RFX3: variants seen among roughly 807,000 people sequenced by gnomAD.
The protein encoded by RFX3 is transcription factor RFX3.
RFX3 carries 14 observed loss-of-function variants against 98.6 expected under a neutral mutation model. The ratio of observed to expected loss-of-function variants is 0.14; its 90% confidence interval spans 0.09 to 0.22. The LOEUF is 0.22. Among genes scored for constraint, RFX3 ranks in the 10% least tolerant of loss-of-function variants. RFX3 has a pLI of 1.00. For synonymous variants in RFX3, 383 were observed against 328.4 expected, an observed-to-expected ratio of 1.17 and a Z score of -1.80; for missense variants, 639 against 926.9, an observed-to-expected ratio of 0.69 and a Z score of 4.03.
At chr9:3,471,190 T>C (rs960311634) in intron 1 of RFX3, among the ~76,000 whole-genome samples, 1 of 152,084 alleles carries the variant, frequency 6.6e-6, no homozygotes, top group Admixed American at 6.5e-5. Context: ...CATTTACCCT[T>C]ATATATATTA....
intron 1 of RFX3, among the ~76,000 whole-genome samples, chr9:3,459,234 T>C (rs990742581): frequency 3.3e-5 from 5 of 152,154 alleles, no homozygotes; most frequent in Non-Finnish European, 5.9e-5. Flanking sequence ...GCCAACACTT[T>C]TAAATTTCAT....
At chr9:3,293,282 C>T (rs767628075) in intron 5 of RFX3, 24 bp from the exon 6 acceptor site, 1 of 1,551,714 alleles carries the variant, frequency 6.4e-7, no homozygotes, top group East Asian at 2.3e-5. Context: ...ACACAATAAA[C>T]ACAGACAAAT....
chr9:3,239,973 G>A (rs544525973), intron 15 of RFX3, among the ~76,000 whole-genome samples: 2 of 152,334 alleles, frequency 1.3e-5, no homozygotes, highest in South Asian at 4.1e-4. Flanking sequence ...GCCAAAAAGG[G>A]GCAGCTGTTT....
At chr9:3,435,664 C>T (rs552416824) in intron 1 of RFX3, among the ~76,000 whole-genome samples, 9 of 151,990 alleles carry the variant, frequency 5.9e-5, no homozygotes, top group African/African-American at 1.9e-4. Flanking sequence ...TTACCTTATT[C>T]ACCACTGAAT....
At chr9:3,409,099 A>C (rs969562444) in intron 1 of RFX3, among the ~76,000 whole-genome samples, 5 of 152,250 alleles carry the variant, frequency 3.3e-5, no homozygotes, top group Non-Finnish European at 5.9e-5. Flanking sequence ...GTAATCCAGC[A>C]CTGTGGCCTA....
chr9:3,345,169 T>C (rs190358181), intron 3 of RFX3, among the ~76,000 whole-genome samples: 122 of 152,220 alleles, frequency 8.0e-4, no homozygotes, highest in Admixed American at 2.1e-3. Context: ...TCAGGGTCCA[T>C]GTCACAAAGA....
intron 1 of RFX3, among the ~76,000 whole-genome samples, chr9:3,443,637 G>A (rs902488813): frequency 2.6e-5 from 4 of 152,162 alleles, no homozygotes; most frequent in African/African-American, 9.7e-5. Context: ...CCATGGCTTT[G>A]CTATTGTGAA....
intron 3 of RFX3, among the ~76,000 whole-genome samples, chr9:3,339,111 T>C (rs1017754209): frequency 3.3e-5 from 5 of 151,936 alleles, no homozygotes; most frequent in Admixed American, 6.6e-5. Context: ...AAATAATTCT[T>C]TTAGCCTACT....
rs1586628048 is a variant in RFX3, at chr9:3,223,120, T to A, written c.*1922A>T. The A allele has an allele frequency of 6.6e-6, 1 of 151,898 alleles. No individual in the cohort carries two copies. Among genetic ancestry groups the A allele is most frequent in the East Asian group, 1.9e-4 (1 of 5,184 alleles). The allele number at this position is 151,898 out of a possible 1,614,324, so 9.4% of individuals were successfully genotyped here. Reference sequence around the variant, plus strand: ...AAAGATAAACATCTTGGGTTTAATATAGGCCTCATTTGATAATCTGTCAAT... The same window carrying A: ...AAAGATAAACATCTTGGGTTTAATAAAGGCCTCATTTGATAATCTGTCAAT... On this transcript the variant is annotated 3_prime_UTR_variant, in exon 17 of 17. Coordinates refer to ENST00000617270, the MANE Select transcript of RFX3 (RefSeq NM_001282116.2).
chr9:3,461,321 G>T (rs1847665914), intron 1 of RFX3, among the ~76,000 whole-genome samples: 1 of 151,830 alleles, frequency 6.6e-6, no homozygotes, highest in South Asian at 2.1e-4. Flanking sequence ...AATTTTAACA[G>T]ATACCGTGTT....
At chr9:3,365,295 C>CA (rs1177381806) in intron 2 of RFX3, among the ~76,000 whole-genome samples, 3,498 of 62,074 alleles carry the variant, frequency 0.056, 167 homozygotes, top group African/African-American at 0.12. Context: ...AGACTCATCT[C>CA]AAAAAAAAAA....
At chr9:3,354,494 C>T (rs1257927907) in intron 2 of RFX3, among the ~76,000 whole-genome samples, 1 of 151,696 alleles carries the variant, frequency 6.6e-6, no homozygotes, top group Admixed American at 6.6e-5. Context: ...AGATAGATAC[C>T]AGGCAGCAAA....
At chr9:3,396,749 G>C (rs1007693217) in intron 1 of RFX3, among the ~76,000 whole-genome samples, 3 of 152,070 alleles carry the variant, frequency 2.0e-5, no homozygotes, top group African/African-American at 7.2e-5. Flanking sequence ...GGTGTGAGAT[G>C]GTATCTCATT....
In RFX3 at chr9:3,293,103, C is replaced by T. The variant is rs750282969; in HGVS notation, c.705G>A (p.Gly235=). 5 of 1,612,552 alleles carry T rather than the reference C, an allele frequency of 3.1e-6. No individual in the cohort carries two copies. In the Admixed American group the frequency reaches 5.0e-5, roughly 16 times the overall value. The change falls in exon 6 of 17, where the codon GGG becomes GGA. Residue 235 remains glycine, a synonymous_variant. Transcript: ENST00000617270. Reference sequence around the variant, plus strand: ...TAGTGCCCAATCTCCTGGTTCGTAGCCCCATAAAAATTGATCTTATTAATT... The same window carrying T: ...TAGTGCCCAATCTCCTGGTTCGTAGTCCCATAAAAATTGATCTTATTAATT... ...FGKLIRSIFM[G]LRTRRLGTRG... is the part of the protein sequence containing the mutation.
intron 1 of RFX3, among the ~76,000 whole-genome samples, chr9:3,437,106 TTTAG>T (rs1328406667): frequency 9.9e-5 from 15 of 152,190 alleles, no homozygotes; most frequent in African/African-American, 3.6e-4. Flanking sequence ...GCTGTAGATA[TTTAG>T]TTGTTTTCTG....
intron 1 of RFX3, among the ~76,000 whole-genome samples, chr9:3,453,136 G>C (rs1846820400): frequency 6.6e-6 from 1 of 151,938 alleles, no homozygotes; most frequent in Non-Finnish European, 1.5e-5. Flanking sequence ...CCTAGTGACA[G>C]GCCCATCTAT....
chr9:3,293,604 T>C lies in RFX3; in HGVS notation c.550-346A>G, dbSNP rs535531032. Among the ~76,000 whole-genome samples, 3 of 152,280 alleles carry C rather than the reference T, an allele frequency of 2.0e-5. No individual in the cohort carries two copies. In the East Asian group the frequency reaches 5.8e-4, roughly 29 times the overall value. ...TAACTGGTCATAAATATCAGAAATA[T>C]GATTGCCACAGAACAAAATATGTTA... On this transcript the variant is annotated intron_variant, in intron 5 of 16. Transcript: ENST00000617270.
At chr9:3,377,424 T>C (rs1430042798) in intron 2 of RFX3, among the ~76,000 whole-genome samples, 1 of 152,016 alleles carries the variant, frequency 6.6e-6, no homozygotes, top group African/African-American at 2.4e-5. Flanking sequence ...AAGGGGAACA[T>C]CACACACCGG....
intron 1 of RFX3, among the ~76,000 whole-genome samples, chr9:3,503,146 C>T (rs1308245547): frequency 1.3e-5 from 2 of 152,116 alleles, no homozygotes; most frequent in African/African-American, 4.8e-5. Flanking sequence ...ACCAGGTACT[C>T]GTCTTCAACA....
Sources: gnomAD v4.1 joint callset for allele counts (sites outside exome capture counted in the v4.1 genomes callset) on GRCh38, gnomAD v4.1.1 for gene constraint, MANE v1.5 for transcripts, NCBI Gene and HGNC (gene_info 2026-07-23, HGNC 2026-07-21) for gene names.